Variants in ST6GALNAC3 observed in about 807,000 individuals in gnomAD.
The protein encoded by ST6GALNAC3 is ST6 N-acetylgalactosaminide alpha-2,6-sialyltransferase 3.
In ST6GALNAC3, 25 loss-of-function variants were observed where a neutral mutation model predicts 32.7. The observed-to-expected ratio is 0.76, with a 90% CI of 0.56 to 1.07. ST6GALNAC3 has a LOEUF of 1.07. Among genes scored for constraint, ST6GALNAC3 ranks in the 50% least tolerant of loss-of-function variants. The pLI is 0.00. For synonymous variants in ST6GALNAC3, 129 were observed against 133.1 expected (o/e 0.97, Z 0.21); for missense variants, 355 against 382.4 (o/e 0.93, Z 0.60).
At chr1:76,199,715 T>C (rs1040462394) in intron 1 of ST6GALNAC3, among the ~76,000 whole-genome samples, 8 of 152,240 alleles carry the variant, frequency 5.3e-5, no homozygotes, top group Non-Finnish European at 8.8e-5. Flanking sequence ...TTCTGTGCTG[T>C]GTGCTTGGAT....
At chr1:76,580,391 C>T (rs2100544013) in intron 3 of ST6GALNAC3, among the ~76,000 whole-genome samples, 1 of 152,262 alleles carries the variant, frequency 6.6e-6, no homozygotes, top group South Asian at 2.1e-4. Context: ...CTGTTTCTTG[C>T]TCTTTCCGGA....
chr1:76,343,537 T>C (rs186594203), intron 2 of ST6GALNAC3, among the ~76,000 whole-genome samples: 5 of 152,272 alleles, frequency 3.3e-5, no homozygotes, highest in Admixed American at 6.5e-5. Flanking sequence ...AGGGCAGAAA[T>C]AAACCAGGCA....
rs1654533701 is a variant in ST6GALNAC3, at chr1:76,201,789, T to A, written c.19-112016T>A. Among the ~76,000 whole-genome samples, 8 of 152,160 alleles carry A rather than the reference T, an allele frequency of 5.3e-5. No homozygotes were observed. The South Asian group carries it at 1.7e-3, about 32-fold the overall frequency. On this transcript the variant is annotated intron_variant, in intron 1 of 4. Transcript: ENST00000328299. ...CAGAAAGGAGATAAACAAGTGCCTT[T>A]GGGTGGGATCATTTGTGATTGTAAC...
At chr1:76,525,791 G>GTATATA (rs199721572) in intron 3 of ST6GALNAC3, among the ~76,000 whole-genome samples, 1,470 of 75,364 alleles carry the variant, frequency 0.02, 49 homozygotes, top group East Asian at 0.042. Context: ...GTGTGTGTGT[G>GTATATA]TATATATATA....
At chr1:76,519,658 G>A (rs1208655046) in intron 3 of ST6GALNAC3, among the ~76,000 whole-genome samples, 2 of 152,080 alleles carry the variant, frequency 1.3e-5, no homozygotes, top group Admixed American at 6.6e-5. Flanking sequence ...TTCTCCATGA[G>A]TTAATTCATT....
At chr1:76,635,064 T>C (rs2100750147), downstream of ST6GALNAC3, among the ~76,000 whole-genome samples, 1 of 152,322 alleles carries the variant, frequency 6.6e-6, no homozygotes, top group South Asian at 2.1e-4. Flanking sequence ...GGAATTTGTT[T>C]TGTCCATATT....
rs1470277212 is a variant in ST6GALNAC3 at position 76,190,322 on chromosome 1, T to C, written c.18+115438T>C. ...AATGCAAAACTGTTAGAAAAGTGCA[T>C]GGTACTCCAACCTTTCAGCCTAGTG... is the stretch of plus-strand genomic sequence containing the variant. On this transcript the variant is annotated intron_variant, in intron 1 of 4. Transcript: ENST00000328299. 2.0e-5 allele frequency among the ~76,000 whole-genome samples: 3 copies of C among 152,290 alleles called. No individual in the cohort carries two copies. The East Asian group carries it at 5.8e-4, about 29-fold the overall frequency.
chr1:76,099,250 T>C (rs983553873), intron 1 of ST6GALNAC3, among the ~76,000 whole-genome samples: 1 of 152,170 alleles, frequency 6.6e-6, no homozygotes, highest in African/African-American at 2.4e-5. Context: ...CCCTTTATAC[T>C]TCCTTTGAGT....
chr1:76,597,884 G>T (rs558405765), intron 3 of ST6GALNAC3, among the ~76,000 whole-genome samples: 1 of 152,018 alleles, frequency 6.6e-6, no homozygotes, highest in African/African-American at 2.4e-5. Context: ...TCTCCTCTCC[G>T]CCAGGCCCTG....
chr1:76,169,815 C>T (rs1652359538), intron 1 of ST6GALNAC3, among the ~76,000 whole-genome samples: 1 of 152,040 alleles, frequency 6.6e-6, no homozygotes, highest in Non-Finnish European at 1.5e-5. Flanking sequence ...AGGTTGGTTA[C>T]TTTTTAAAAT....
intron 3 of ST6GALNAC3, among the ~76,000 whole-genome samples, chr1:76,540,502 A>G (rs2100282073): frequency 6.6e-6 from 1 of 152,328 alleles, no homozygotes; most frequent in South Asian, 2.1e-4. Flanking sequence ...AGCATTAAAA[A>G]TGGAAATTTG....
intron 3 of ST6GALNAC3, among the ~76,000 whole-genome samples, chr1:76,605,938 G>C (rs1425473344): frequency 7.0e-6 from 1 of 141,978 alleles, no homozygotes; most frequent in African/African-American, 2.6e-5. Context: ...AGACTTTTAT[G>C]TGGCCAAAAA....
At chr1:76,536,088 G>A (rs753610442) in intron 3 of ST6GALNAC3, among the ~76,000 whole-genome samples, 1 of 152,086 alleles carries the variant, frequency 6.6e-6, no homozygotes, top group Non-Finnish European at 1.5e-5. Flanking sequence ...TACAAAATAA[G>A]GACTGGAGAC....
chr1:76,148,535 C>T (rs1650838819), intron 1 of ST6GALNAC3, among the ~76,000 whole-genome samples: 1 of 152,200 alleles, frequency 6.6e-6, no homozygotes, highest in East Asian at 1.9e-4. Context: ...TCTCCCTTCC[C>T]TCCAAGAGAG....
intron 1 of ST6GALNAC3, among the ~76,000 whole-genome samples, chr1:76,182,413 C>A (rs419725): frequency 0.9 from 137,674 of 152,236 alleles, 63,915 homozygotes; most frequent in East Asian, 1. Context: ...TTTCTTGCAC[C>A]TGCTAAATCC....
At chr1:76,540,228 C>T (rs935219585) in intron 3 of ST6GALNAC3, among the ~76,000 whole-genome samples, 3 of 152,052 alleles carry the variant, frequency 2.0e-5, no homozygotes, top group South Asian at 2.1e-4. Context: ...AAGCTGGAAG[C>T]CTTCATCTCC....
intron 3 of ST6GALNAC3, among the ~76,000 whole-genome samples, chr1:76,414,098 G>A (rs1654455398): frequency 2.0e-5 from 3 of 151,990 alleles, no homozygotes; most frequent in Non-Finnish European, 4.4e-5. Flanking sequence ...TCACATATGT[G>A]TAAATTGTAA....
intron 3 of ST6GALNAC3, among the ~76,000 whole-genome samples, chr1:76,434,609 A>G (rs1656000127): frequency 6.6e-6 from 1 of 152,194 alleles, no homozygotes; most frequent in Non-Finnish European, 1.5e-5. Flanking sequence ...AGCTATTTAC[A>G]GGATAGAGTA....
Position 76,528,703 on chromosome 1 carries a change from A to G in ST6GALNAC3, c.624-98749A>G, listed in dbSNP as rs1007639937. Among the ~76,000 whole-genome samples, 9 of 151,890 alleles carry G rather than the reference A, an allele frequency of 5.9e-5. No individual in the cohort carries two copies. The South Asian group carries it at 1.9e-3, about 32-fold the overall frequency. On this transcript the variant is annotated intron_variant, in intron 3 of 4. Coordinates refer to ENST00000328299, the MANE Select transcript of ST6GALNAC3 (RefSeq NM_152996.4). ...CTCTCCACATTTTTGGGTCTTCAGA[A>G]TGATCAGCATCCATGCCTGAAGTGA...
Sources: gnomAD v4.1 joint callset for allele counts (sites outside exome capture counted in the v4.1 genomes callset) on GRCh38, gnomAD v4.1.1 for gene constraint, MANE v1.5 for transcripts, NCBI Gene and HGNC (gene_info 2026-07-23, HGNC 2026-07-21) for gene names.